ASH2L: variants seen among roughly 807,000 people sequenced by gnomAD.
ASH2L encodes set1/Ash2 histone methyltransferase complex subunit ASH2.
ASH2L carries 30 observed loss-of-function variants against 81.1 expected under a neutral mutation model. The observed-to-expected ratio is 0.37, with a 90% CI of 0.28 to 0.50. The LOEUF (loss-of-function observed/expected upper bound fraction) is 0.50. Ranked by LOEUF, ASH2L falls within the 20% of genes least tolerant of loss-of-function variation. The pLI, the probability that ASH2L is intolerant of heterozygous loss-of-function variation, is 0.95. For missense variants in ASH2L, 559 were observed against 792.1 expected (o/e 0.71, Z 3.53); for synonymous variants, 273 against 279.9 (o/e 0.98, Z 0.24).
At chr8:38,106,703 G>T (rs973249684) in intron 2 of ASH2L, among the ~76,000 whole-genome samples, 23 of 151,718 alleles carry the variant, frequency 1.5e-4, no homozygotes, top group African/African-American at 5.3e-4. Context: ...TAGAGACGGG[G>T]TTTCACCATG....
rs1810382276 is a variant in ASH2L at position 38,105,592 on chromosome 8, C to G, written c.42C>G (p.Ala14=). Residue 14 remains alanine, a synonymous_variant, in exon 1 of 16, where the codon GCC becomes GCG. Transcript: ENST00000343823. The part of the protein sequence containing the change: ...AGAGPGQEAG[A]GPGPGAVANA... ...CAGGACCTGGCCAGGAAGCGGGTGC[C>G]GGGCCTGGCCCAGGAGCGGTCGCAA... is the stretch of plus-strand genomic sequence containing the variant. The G allele has an allele frequency of 1.9e-6, 3 of 1,594,376 alleles. No homozygotes were observed. Among genetic ancestry groups the G allele is most frequent in the South Asian group, 1.1e-5 (1 of 89,184 alleles).
intron 10 of ASH2L, among the ~76,000 whole-genome samples, chr8:38,126,699 A>G (rs1273976443): frequency 6.6e-6 from 1 of 151,496 alleles, no homozygotes; most frequent in African/African-American, 2.4e-5. Context: ...CTGAAAATAT[A>G]AAAAATTAGC....
chr8:38,123,489 T>C (rs151169921), intron 10 of ASH2L, among the ~76,000 whole-genome samples: 127 of 152,348 alleles, frequency 8.3e-4, no homozygotes, highest in African/African-American at 2.7e-3. Flanking sequence ...TCCAAGGTAC[T>C]GGTAACTTAG....
intron 3 of ASH2L, 98 bp from the exon 4 acceptor site, chr8:38,110,281 C>T (rs896962531): frequency 1.1e-6 from 1 of 930,522 alleles, no homozygotes. Flanking sequence ...CACTGCACTC[C>T]AGCCTGAGTG....
chr8:38,138,809 G>A lies in ASH2L; in HGVS notation c.1720-7G>A, dbSNP rs2275957. 28,735 of 1,612,048 alleles carry A rather than the reference G, an allele frequency of 0.018. 2,184 individuals are homozygous for A. The East Asian group carries it at 0.25, about 14-fold the overall frequency. ...TTCCATGTCTGCTTGAATTGAATTC[G>A]CTCCAGGTTTCCATTAACTTTGGAC... On this transcript the variant is annotated splice_region_variant and splice_polypyrimidine_tract_variant and intron_variant, in intron 14 of 15. Coordinates refer to ENST00000343823, the MANE Select transcript of ASH2L (RefSeq NM_004674.5).
At chr8:38,130,246 T>A (rs1380746230) in intron 12 of ASH2L, among the ~76,000 whole-genome samples, 2 of 112,070 alleles carry the variant, frequency 1.8e-5, no homozygotes, top group Admixed American at 8.9e-5. Flanking sequence ...TTTTTTTTTT[T>A]AAGTTTAAAT....
Position 38,110,244 on chromosome 8 carries a change from C to G in ASH2L, c.402-135C>G, listed in dbSNP as rs1810628443. ...AGAATCAACCTGAGCCAGGGAACGT[C>G]AAGTCTGCAGTGAGCTATGATTGCA... On this transcript the variant is annotated intron_variant, in intron 3 of 15. Transcript: ENST00000343823. 4.4e-6 allele frequency: 3 copies of G among 678,302 alleles called. No individual in the cohort carries two copies. In the Admixed American group the frequency reaches 7.2e-5, roughly 16 times the overall value. 42.0% of individuals were successfully genotyped at this position (678,302 alleles called of 1,614,324 possible). A position where few individuals can be genotyped will look rare whatever the true frequency, so the allele number is the denominator to read the frequency against.
At chr8:38,107,234 C>G (rs1810475577) in intron 3 of ASH2L, 68 bp downstream of exon 3, 2 of 1,586,604 alleles carry the variant, frequency 1.3e-6, no homozygotes, top group Admixed American at 3.4e-5. Context: ...TCAACAGTTA[C>G]TTTGTGGGCA....
rs576668527 is a variant in ASH2L at position 38,112,187 on chromosome 8, T to G, written c.585+1354T>G. Among the ~76,000 whole-genome samples, 6 of 152,222 alleles carry G rather than the reference T, an allele frequency of 3.9e-5. 1 individual carries two copies. In the South Asian group the frequency reaches 1.2e-3, roughly 32 times the overall value. Reference sequence around the variant, plus strand: ...ACATCCAGCTAACTTAAAAAAATTTTTTGTGGAGATGTGGTCTCACTAGCT... The same window carrying G: ...ACATCCAGCTAACTTAAAAAAATTTGTTGTGGAGATGTGGTCTCACTAGCT... On this transcript the variant is annotated intron_variant, in intron 5 of 15. Coordinates refer to ENST00000343823, the MANE Select transcript of ASH2L (RefSeq NM_004674.5).
At position 38,120,950 on chromosome 8, in the gene ASH2L, T is replaced by G. The variant is rs756437481; in HGVS notation, c.966T>G (p.Ala322=). 1 of 1,613,150 alleles carries G rather than the reference T, an allele frequency of 6.2e-7. No homozygotes were observed. Among genetic ancestry groups the G allele is most frequent in the Admixed American group, 1.7e-5 (1 of 59,924 alleles). ...TCTGCAGTGACCCTTTGTTTTCTGC[T>G]CAGCGCCTTCCCCCTCATGGCTACC... is the stretch of plus-strand genomic sequence containing the variant. The part of the protein sequence containing the change: ...KKARSDPLFS[A]QRLPPHGYPL... The change falls in exon 10 of 16, where the codon GCT becomes GCG. Residue 322 remains alanine (A), a synonymous_variant. Transcript: ENST00000343823.
At chr8:38,107,336 A>T (rs1333129560) in intron 3 of ASH2L, among the ~76,000 whole-genome samples, 170 bp downstream of exon 3, 1 of 152,194 alleles carries the variant, frequency 6.6e-6, no homozygotes, top group East Asian at 1.9e-4. Context: ...TTAGCATGTT[A>T]TCTGCTTACT....
intron 8 of ASH2L, among the ~76,000 whole-genome samples, chr8:38,118,560 C>T (rs1811002596): frequency 2.0e-5 from 3 of 152,194 alleles, no homozygotes; most frequent in Admixed American, 2.0e-4. Context: ...AATTTTAGTG[C>T]ATTGGCACAA....
At chr8:38,121,349 A>G (rs867630060) in intron 10 of ASH2L, among the ~76,000 whole-genome samples, 200 bp downstream of exon 10, 1 of 132,812 alleles carries the variant, frequency 7.5e-6, no homozygotes, top group South Asian at 2.6e-4. Flanking sequence ...ATATATATAT[A>G]TATATATATA....
In ASH2L at chr8:38,128,348, C is replaced by T; in HGVS notation, c.1223C>T (p.Ser408Phe). 1.2e-6 allele frequency: 2 copies of T among 1,614,156 alleles called. No homozygotes were observed. The highest frequency in any genetic ancestry group is 8.5e-7 in the Non-Finnish European group (1 of 1,180,038). ...RLTVVGEKGY[S>F]MVRASHGVRK... ...ACTGTGGTTGGAGAGAAGGGCTACT[C>T]TATGGTGAGGGCCTCTCATGGAGTA... The change falls in exon 11 of 16, where the codon TCT becomes TTT. Residue 408 changes from serine to phenylalanine, a missense_variant. Ser to Phe is a radical substitution (Grantham distance 155, BLOSUM62 -2). Transcript: ENST00000343823.
intron 8 of ASH2L, among the ~76,000 whole-genome samples, chr8:38,117,045 A>C (rs1810933488): frequency 6.6e-6 from 1 of 151,810 alleles, no homozygotes; most frequent in Non-Finnish European, 1.5e-5. Context: ...TCTCCTCTCC[A>C]CTCTTTTTCT....
intron 10 of ASH2L, chr8:38,123,349 G>T (rs1801710209): frequency 6.6e-6 from 1 of 152,322 alleles, no homozygotes; most frequent in Non-Finnish European, 1.5e-5. Context: ...CTCCCAAAGT[G>T]CTGGGATTAC....
At chr8:38,107,866 A>ATGTGTGTG (rs1276322577) in intron 3 of ASH2L, among the ~76,000 whole-genome samples, 3 of 105,998 alleles carry the variant, frequency 2.8e-5, no homozygotes, top group African/African-American at 1.1e-4. Context: ...AGAAATACAT[A>ATGTGTGTG]TATGTGTGTG....
At chr8:38,106,772 G>C (rs982255798) in intron 2 of ASH2L, among the ~76,000 whole-genome samples, 2 of 151,730 alleles carry the variant, frequency 1.3e-5, no homozygotes, top group Admixed American at 6.6e-5. Context: ...CAGCCTCCCA[G>C]AGTGTTGGGA....
intron 3 of ASH2L, among the ~76,000 whole-genome samples, chr8:38,108,280 C>A (rs1235319819): frequency 6.6e-6 from 1 of 152,164 alleles, no homozygotes; most frequent in Admixed American, 6.5e-5. Context: ...TGGGAAAACA[C>A]ACTAGCTAAG....
Sources: allele counts gnomAD v4.1 joint callset (sites outside exome capture counted in the v4.1 genomes callset), GRCh38; gene constraint gnomAD v4.1.1; transcripts MANE v1.5; gene names NCBI Gene and HGNC (gene_info 2026-07-23, HGNC 2026-07-21).